The following CAMSAP1 variants were observed in gnomAD, a reference collection of about 807,000 sequenced individuals.
The protein encoded by CAMSAP1 is calmodulin regulated spectrin associated protein 1.
CAMSAP1 carries 58 observed loss-of-function variants against 143.5 expected under a neutral mutation model. The observed-to-expected ratio is 0.40, with a 90% CI of 0.33 to 0.50. The LOEUF (loss-of-function observed/expected upper bound fraction) is 0.50. CAMSAP1 is among the 20% of genes least tolerant of loss of function. The pLI is 0.45. For synonymous variants in CAMSAP1, 945 were observed against 859.3 expected (o/e 1.10, Z -1.74); for missense variants, 1,969 against 2,115.7 (o/e 0.93, Z 1.36).
intron 1 of CAMSAP1, among the ~76,000 whole-genome samples, chr9:135,896,327 A>T (rs1838451363): frequency 6.6e-6 from 1 of 152,214 alleles, no homozygotes; most frequent in African/African-American, 2.4e-5. Context: ...GGATCAATCT[A>T]CCAGAAAGAC....
Position 135,843,637 on chromosome 9 carries a change from C to T in CAMSAP1, c.1045+6500G>A, listed in dbSNP as rs150115747. Among the ~76,000 whole-genome samples the T allele has an allele frequency of 3.5e-3, 538 of 151,888 alleles. 2 individuals carry two copies. The highest frequency in any genetic ancestry group is 5.7e-3 in the Non-Finnish European group (389 of 67,936). ...CTGTAATCCCAGCACTCTGGGAGGC[C>T]GAGACAGGTGGATCACGAGGTCAGG... On this transcript the variant is annotated intron_variant, in intron 7 of 16. Coordinates refer to ENST00000389532, the MANE Select transcript of CAMSAP1 (RefSeq NM_015447.4).
At chr9:135,876,112 C>T (rs1186451038) in intron 3 of CAMSAP1, among the ~76,000 whole-genome samples, 2 of 152,112 alleles carry the variant, frequency 1.3e-5, no homozygotes, top group Non-Finnish European at 2.9e-5. Context: ...CCCGCCATCA[C>T]GCCTAATTTT....
At position 135,824,666 on chromosome 9, in the gene CAMSAP1, AAAAC is replaced by A. The variant is rs199880223; in HGVS notation, c.1315+119_1315+122del. On this transcript the variant is annotated intron_variant, in intron 9 of 16. Transcript: ENST00000389532. This position sits in a 1 kb window ranked among gnomAD's most constrained non-coding sequence, Gnocchi z 4.1. ...GTGACAGAGCAAGACTCCATCTCAA[AAAAC>A]AAACAAACAAACAAAAAAATCACTA... 6,115 of 798,252 alleles carry A rather than the reference AAAAC, an allele frequency of 7.7e-3. 35 individuals are homozygous for A. Among genetic ancestry groups the A allele is most frequent in the Middle Eastern group, 0.011 (44 of 3,982 alleles). The allele number at this position is 798,252 out of a possible 1,614,324, so 49.4% of individuals were successfully genotyped here.
At chr9:135,877,411 G>A (rs1339258268) in intron 3 of CAMSAP1, among the ~76,000 whole-genome samples, 2 of 150,926 alleles carry the variant, frequency 1.3e-5, no homozygotes, top group African/African-American at 2.4e-5. Flanking sequence ...TGATTGTGGT[G>A]AATGCTAAAC....
intron 7 of CAMSAP1, among the ~76,000 whole-genome samples, 164 bp from the exon 8 acceptor site, chr9:135,827,748 T>A (rs901428960): frequency 2.0e-5 from 3 of 152,202 alleles, no homozygotes; most frequent in Non-Finnish European, 4.4e-5. Context: ...TAATAACAAG[T>A]ACTACAAATA....
At chr9:135,873,909 C>G (rs1428176748) in intron 3 of CAMSAP1, among the ~76,000 whole-genome samples, 2 of 152,046 alleles carry the variant, frequency 1.3e-5, no homozygotes, top group Non-Finnish European at 2.9e-5. Context: ...AAGAGAAATA[C>G]ATCATGAGAA....
rs114333126 is a variant in CAMSAP1 at position 135,818,953 on chromosome 9, G to A, written c.3959+57C>T. The stretch of plus-strand genomic sequence containing the variant: ...CAGTGCCAGCAACGGGACCGGGGCC[G>A]CCAGGGACCCACCAGGCTCCTGCTC... On this transcript the variant is annotated intron_variant, in intron 12 of 16. Coordinates refer to ENST00000389532, the MANE Select transcript of CAMSAP1 (RefSeq NM_015447.4). The surrounding 1 kb of genome is among the most constrained non-coding windows in gnomAD (Gnocchi z 7.7). 1.6e-3 allele frequency: 2,519 copies of A among 1,581,552 alleles called. 40 individuals are homozygous for A. In the African/African-American group the frequency reaches 0.029, roughly 19 times the overall value.
intron 7 of CAMSAP1, among the ~76,000 whole-genome samples, chr9:135,845,165 A>G (rs1042601961): frequency 1.3e-5 from 2 of 152,234 alleles, no homozygotes; most frequent in Non-Finnish European, 2.9e-5. Flanking sequence ...AAGTTTATCC[A>G]CCACGATCAA....
At chr9:135,815,768 C>G in intron 15 of CAMSAP1, 122 bp downstream of exon 15, 1 of 813,316 alleles carries the variant, frequency 1.2e-6, no homozygotes, top group Non-Finnish European at 1.9e-6. Flanking sequence ...TCTTTCACTA[C>G]ATCAAACATC....
chr9:135,889,876 C>A (rs972120725), intron 1 of CAMSAP1, among the ~76,000 whole-genome samples: 2 of 152,176 alleles, frequency 1.3e-5, no homozygotes, highest in African/African-American at 4.8e-5. Context: ...GGCACCAGGT[C>A]CTCTCCCCGT....
At chr9:135,857,115 G>A (rs1282232846) in intron 5 of CAMSAP1, among the ~76,000 whole-genome samples, 2 of 152,188 alleles carry the variant, frequency 1.3e-5, no homozygotes, top group East Asian at 1.9e-4. Flanking sequence ...AGCTCATCAT[G>A]GTAGGCTTTG....
chr9:135,822,174 C>T lies in CAMSAP1; in HGVS notation c.2487G>A (p.Glu829=). 1 of 1,613,848 alleles carries T rather than the reference C, an allele frequency of 6.2e-7. No individual in the cohort carries two copies. Among genetic ancestry groups the T allele is most frequent in the Non-Finnish European group, 8.5e-7 (1 of 1,179,892 alleles). ...GGGAGCTGCTGGTGCTGGACTTGGT[C>T]TCACAGCTGTTGAGTCTCTGGAGCT... ...ERKLQRLNSC[E]TKSSTSSSQK... is the part of the protein sequence containing the mutation. The change falls in exon 11 of 17, where the codon GAG becomes GAA. Residue 829 remains glutamate, a synonymous_variant. Coordinates refer to ENST00000389532, the MANE Select transcript of CAMSAP1 (RefSeq NM_015447.4). The surrounding 1 kb of genome is among the most constrained non-coding windows in gnomAD (Gnocchi z 6.1).
intron 5 of CAMSAP1, among the ~76,000 whole-genome samples, chr9:135,858,447 T>C (rs891218127): frequency 6.6e-6 from 1 of 152,182 alleles, no homozygotes; most frequent in African/African-American, 2.4e-5. Flanking sequence ...GGTAAAACCC[T>C]GCCCCTGTTG....
intron 1 of CAMSAP1, among the ~76,000 whole-genome samples, chr9:135,902,967 C>A (rs141128659): frequency 6.6e-6 from 1 of 152,170 alleles, no homozygotes; most frequent in African/African-American, 2.4e-5. Flanking sequence ...GCTACACCGC[C>A]GACATCCTTG....
intron 15 of CAMSAP1, 97 bp from the exon 16 acceptor site, chr9:135,815,312 AG>A (rs1835191337): frequency 3.2e-6 from 2 of 617,862 alleles, no homozygotes; most frequent in Admixed American, 6.7e-5. Flanking sequence ...AGCAATGGGT[AG>A]GCTGAATTAC....
At chr9:135,834,806 T>TA (rs1356184787) in intron 7 of CAMSAP1, among the ~76,000 whole-genome samples, 1 of 152,220 alleles carries the variant, frequency 6.6e-6, no homozygotes, top group African/African-American at 2.4e-5. Context: ...AGATGGATGT[T>TA]AACTAGCTTG....
intron 5 of CAMSAP1, among the ~76,000 whole-genome samples, chr9:135,850,806 G>A (rs1269620825): frequency 6.6e-6 from 1 of 152,198 alleles, no homozygotes; most frequent in East Asian, 1.9e-4. Context: ...GTTGAGCCGA[G>A]TTTCTTCCGC....
rs1213198379 is a variant in CAMSAP1 at position 135,822,016 on chromosome 9, T to A, written c.2645A>T (p.His882Leu). 2 of 1,612,894 alleles carry A rather than the reference T, an allele frequency of 1.2e-6. No individual in the cohort carries two copies. The highest frequency in any genetic ancestry group is 1.7e-6 in the Non-Finnish European group (2 of 1,179,670). Residue 882 changes from histidine (H) to leucine (L), a missense_variant, in exon 11 of 17, where the codon CAC becomes CTC. Transcript: ENST00000389532. This position sits in a 1 kb window ranked among gnomAD's most constrained non-coding sequence, Gnocchi z 6.1. Reference protein sequence around the residue: ...SLLASELVQLHMQLEEKRRAI... With the variant: ...SLLASELVQLLMQLEEKRRAI... ...CCTGCGCTTCTCCTCCAGCTGCATG[T>A]GCAGCTGTACCAGCTCAGATGCCAG...
At chr9:135,886,865 A>G (rs1346814620) in intron 1 of CAMSAP1, among the ~76,000 whole-genome samples, 2 of 152,252 alleles carry the variant, frequency 1.3e-5, no homozygotes, top group African/African-American at 4.8e-5. Flanking sequence ...TGCCTGATGC[A>G]GTACGACAAA....
Sources: gnomAD v4.1 joint callset for allele counts (sites outside exome capture counted in the v4.1 genomes callset) on GRCh38, gnomAD v4.1.1 for gene constraint, Gnocchi (gnomAD v3.1) non-coding constraint, MANE v1.5 for transcripts, NCBI Gene and HGNC (gene_info 2026-07-23, HGNC 2026-07-21) for gene names.